Variants in MARCHF8 observed in about 807,000 individuals in gnomAD.
The protein encoded by MARCHF8 is membrane associated ring-CH-type finger 8.
A neutral mutation model predicts 51.6 loss-of-function variants in MARCHF8; 40 were observed. The observed-to-expected ratio is 0.77, with a 90% confidence interval of 0.60 to 1.01. The LOEUF (loss-of-function observed/expected upper bound fraction) is 1.01, where lower values mean the gene tolerates loss of function less well. Among genes scored for constraint, MARCHF8 ranks in the 50% least tolerant of loss-of-function variants. The pLI, the probability that MARCHF8 is intolerant of heterozygous loss-of-function variation, is 0.00. For synonymous variants in MARCHF8, 263 were observed against 280.3 expected (o/e 0.94, Z 0.62); for missense variants, 685 against 708.6 (o/e 0.97, Z 0.38).
At chr10:45,563,020 T>C (rs2044327866) in intron 1 of MARCHF8, among the ~76,000 whole-genome samples, 1 of 150,802 alleles carries the variant, frequency 6.6e-6, no homozygotes, top group Admixed American at 6.6e-5. Context: ...CCTCCCTCCC[T>C]TCCTCTCTCC....
chr10:45,491,970 T>TA (rs1481808778), intron 2 of MARCHF8, among the ~76,000 whole-genome samples: 5 of 152,228 alleles, frequency 3.3e-5, no homozygotes, highest in African/African-American at 4.8e-5. Context: ...AGAGAATGGA[T>TA]ATTGGGGTGA....
intron 2 of MARCHF8, among the ~76,000 whole-genome samples, chr10:45,515,755 C>T (rs2043608141): frequency 6.6e-6 from 1 of 152,118 alleles, no homozygotes; most frequent in Non-Finnish European, 1.5e-5. Flanking sequence ...TGTGTGATGC[C>T]GTGTTGTCTA....
chr10:45,583,670 T>C (rs527265565), intron 1 of MARCHF8, among the ~76,000 whole-genome samples: 5 of 152,180 alleles, frequency 3.3e-5, no homozygotes, highest in Non-Finnish European at 7.3e-5. Flanking sequence ...TTTCAAAATA[T>C]AGTATGTAGT....
chr10:45,473,161 T>A lies in MARCHF8; in HGVS notation c.154-8834A>T, dbSNP rs1241319627. Among the ~76,000 whole-genome samples the A allele has an allele frequency of 3.9e-5, 6 of 152,170 alleles. No homozygotes were observed. The East Asian group carries it at 1.2e-3, about 29-fold the overall frequency. The stretch of plus-strand genomic sequence containing the variant: ...CTCTGATACGTGACATTCTGCTGTA[T>A]CTCATCCCTGTCTAATGGCAACAAT... On this transcript the variant is annotated intron_variant, in intron 3 of 7. Coordinates refer to ENST00000453424, the MANE Select transcript of MARCHF8 (RefSeq NM_001282866.2).
chr10:45,535,554 TACCACCACAACAAAGCAACAGACC>T (rs1440709455), upstream of MARCHF8, among the ~76,000 whole-genome samples: 1 of 152,194 alleles, frequency 6.6e-6, no homozygotes, highest in Non-Finnish European at 1.5e-5. Flanking sequence ...TTTTGATATG[TACCACCACAACAAAGCAACAGACC>T]TATAAGTTTG....
intron 1 of MARCHF8, among the ~76,000 whole-genome samples, chr10:45,586,986 G>A (rs2044625839): frequency 6.6e-6 from 1 of 150,876 alleles, no homozygotes; most frequent in Non-Finnish European, 1.5e-5. Flanking sequence ...TTAAAATGTT[G>A]TAGTTAGTGC....
rs544183109 is a variant in MARCHF8 at position 45,568,831 on chromosome 10, GC to G, written c.-79+25403del. On this transcript the variant is annotated intron_variant, in intron 1 of 6. Coordinates refer to the MARCHF8 transcript ENST00000319836. The stretch of plus-strand genomic sequence containing the variant: ...CACCTGTAATCCCAACACTTTGGGA[GC>G]CCAAGGCAGGTGGATCACGAGGTCA... Among the ~76,000 whole-genome samples the G allele has an allele frequency of 9.4e-4, 143 of 151,736 alleles. 3 individuals carry two copies. In the South Asian group the frequency reaches 0.017, roughly 18 times the overall value.
chr10:45,495,402 C>T (rs950943234), intron 2 of MARCHF8, among the ~76,000 whole-genome samples: 2 of 151,902 alleles, frequency 1.3e-5, no homozygotes, highest in African/African-American at 2.4e-5. Flanking sequence ...ATTCCTGCAT[C>T]TGTTTATGTA....
At position 45,464,971 on chromosome 10, in the gene MARCHF8, A is replaced by G. The variant is rs180711033; in HGVS notation, c.154-644T>C. On this transcript the variant is annotated intron_variant, in intron 3 of 7. Transcript: ENST00000453424. ...CTGTAAATTAAGAAAAATAATCAAG[A>G]AAATTTAGATTTGAAAGAAAGTACA... is the stretch of plus-strand genomic sequence containing the variant. 6.6e-5 allele frequency among the ~76,000 whole-genome samples: 10 copies of G among 152,336 alleles called. No homozygotes were observed. In the East Asian group the frequency reaches 1.9e-3, roughly 29 times the overall value.
chr10:45,493,552 T>C (rs1480832574), intron 2 of MARCHF8, among the ~76,000 whole-genome samples: 1 of 152,180 alleles, frequency 6.6e-6, no homozygotes, highest in Non-Finnish European at 1.5e-5. Context: ...CTAGATTTCA[T>C]TTGTTTTCTC....
chr10:45,586,845 G>A (rs142474257), intron 1 of MARCHF8, among the ~76,000 whole-genome samples: 11 of 151,956 alleles, frequency 7.2e-5, no homozygotes, highest in African/African-American at 2.4e-4. Context: ...CTTTATATAT[G>A]CTGGATAAAA....
intron 3 of MARCHF8, among the ~76,000 whole-genome samples, chr10:45,465,870 A>G (rs955405826): frequency 3.3e-5 from 5 of 152,262 alleles, no homozygotes; most frequent in African/African-American, 1.2e-4. Flanking sequence ...ATTAGAGGTC[A>G]AAGTTCTTAG....
At chr10:45,475,099 T>G (rs916669905) in intron 3 of MARCHF8, among the ~76,000 whole-genome samples, 2 of 152,192 alleles carry the variant, frequency 1.3e-5, no homozygotes, top group Non-Finnish European at 2.9e-5. Context: ...GGAACCCCAC[T>G]GATATTCCTC....
At chr10:45,458,568 T>A (rs1045000684) in intron 7 of MARCHF8, 25 bp from the exon 8 acceptor site, 1 of 1,547,356 alleles carries the variant, frequency 6.5e-7, no homozygotes, top group Non-Finnish European at 8.7e-7. Context: ...CTCAGCCTAT[T>A]AGATTTTATT....
intron 2 of MARCHF8, among the ~76,000 whole-genome samples, chr10:45,499,253 G>A (rs2043232585): frequency 6.6e-6 from 1 of 151,978 alleles, no homozygotes; most frequent in African/African-American, 2.4e-5. Flanking sequence ...TATCCTCTTT[G>A]GAAAAGTGTC....
At chr10:45,499,074 G>A (rs1205353043) in intron 2 of MARCHF8, among the ~76,000 whole-genome samples, 1 of 152,116 alleles carries the variant, frequency 6.6e-6, no homozygotes, top group African/African-American at 2.4e-5. Flanking sequence ...TATTAGCAGT[G>A]CACAATCAGC....
At chr10:45,461,515 A>G in intron 5 of MARCHF8, 104 bp from the exon 6 acceptor site, 1 of 954,528 alleles carries the variant, frequency 1.0e-6, no homozygotes, top group Non-Finnish European at 1.4e-6. Flanking sequence ...AGAAACGAAC[A>G]TTACAGAAGT....
intron 1 of MARCHF8, among the ~76,000 whole-genome samples, chr10:45,575,485 C>A (rs143346364): frequency 6.6e-6 from 1 of 152,114 alleles, no homozygotes; most frequent in Non-Finnish European, 1.5e-5. Context: ...TAATTCTATA[C>A]GACAAATGCT....
At chr10:45,521,396 T>C (rs2043703150) in intron 2 of MARCHF8, among the ~76,000 whole-genome samples, 1 of 152,196 alleles carries the variant, frequency 6.6e-6, no homozygotes, top group Non-Finnish European at 1.5e-5. Context: ...TTAAGAGACA[T>C]AGTAAAATGT....
Sources: allele counts gnomAD v4.1 joint callset (sites outside exome capture counted in the v4.1 genomes callset), GRCh38; gene constraint gnomAD v4.1.1; transcripts MANE v1.5; gene names NCBI Gene and HGNC (gene_info 2026-07-23, HGNC 2026-07-21).